The following ARHGAP10 variants were observed in gnomAD, a reference collection of about 807,000 sequenced individuals.
ARHGAP10 encodes the protein rho GTPase-activating protein 10.
A neutral mutation model predicts 108.6 loss-of-function variants in ARHGAP10; 87 were observed. The ratio of observed to expected loss-of-function variants is 0.80; its 90% CI spans 0.67 to 0.96. The LOEUF is 0.96. Ranked by LOEUF, ARHGAP10 falls within the 40% of genes least tolerant of loss-of-function variation. The pLI, the probability that ARHGAP10 is intolerant of heterozygous loss-of-function variation, is 0.00. For synonymous variants in ARHGAP10, 347 were observed against 341.1 expected (o/e 1.02, Z -0.19); for missense variants, 939 against 954.5 (o/e 0.98, Z 0.21).
At chr4:147,922,094 G>T (rs1737254845) in intron 13 of ARHGAP10, among the ~76,000 whole-genome samples, 2 of 152,148 alleles carry the variant, frequency 1.3e-5, no homozygotes, top group Admixed American at 6.5e-5. Flanking sequence ...AATTGTCCAG[G>T]TTTGCAAGGA....
chr4:147,825,257 C>T (rs1421763524), intron 3 of ARHGAP10, among the ~76,000 whole-genome samples: 1 of 152,094 alleles, frequency 6.6e-6, no homozygotes, highest in African/African-American at 2.4e-5. Flanking sequence ...TGAGACCAGC[C>T]AGGCCAACCT....
intron 13 of ARHGAP10, among the ~76,000 whole-genome samples, chr4:147,919,597 C>A (rs1263131402): frequency 3.3e-5 from 5 of 151,438 alleles, no homozygotes; most frequent in Admixed American, 1.3e-4. Context: ...TGTGGAGATG[C>A]AGTCCCTCTC....
At chr4:147,931,496 T>G in intron 13 of ARHGAP10, among the ~76,000 whole-genome samples, 1 of 152,212 alleles carries the variant, frequency 6.6e-6, no homozygotes, top group Admixed American at 6.5e-5. Flanking sequence ...GGCCCAAGTC[T>G]ATATCTATAG....
intron 19 of ARHGAP10, 52 bp from the exon 20 acceptor site, chr4:148,046,840 T>A: frequency 6.5e-7 from 1 of 1,545,606 alleles, no homozygotes; most frequent in Middle Eastern, 1.7e-4. Flanking sequence ...ATTAGTGGAG[T>A]TTTTTCTTCT....
At chr4:147,864,049 T>G (rs1353991161) in intron 5 of ARHGAP10, 1 of 152,158 alleles carries the variant, frequency 6.6e-6, no homozygotes, top group Non-Finnish European at 1.5e-5. Flanking sequence ...TCTGGAGAAA[T>G]GCCCAGATAA....
chr4:147,962,138 C>T (rs907619460), intron 16 of ARHGAP10, among the ~76,000 whole-genome samples: 2 of 152,224 alleles, frequency 1.3e-5, no homozygotes, highest in African/African-American at 4.8e-5. Context: ...CCACCATCAT[C>T]TCCTTCCTCA....
chr4:147,920,754 G>T (rs1446047872), intron 13 of ARHGAP10, among the ~76,000 whole-genome samples: 2 of 152,248 alleles, frequency 1.3e-5, no homozygotes, highest in Non-Finnish European at 2.9e-5. Flanking sequence ...ATGAGTGCAT[G>T]TTGAAGGATT....
chr4:147,750,094 T>C (rs570043408), intron 1 of ARHGAP10, among the ~76,000 whole-genome samples: 1 of 152,238 alleles, frequency 6.6e-6, no homozygotes, highest in Non-Finnish European at 1.5e-5. Context: ...GAGGCAACTT[T>C]GTAAAGACCT....
At chr4:148,004,740 G>C (rs1490663677) in intron 18 of ARHGAP10, among the ~76,000 whole-genome samples, 2 of 152,200 alleles carry the variant, frequency 1.3e-5, no homozygotes, top group Non-Finnish European at 2.9e-5. Flanking sequence ...TTGATCCCCA[G>C]TTCAGCGTCC....
At chr4:147,937,209 T>G (rs1017914829) in intron 13 of ARHGAP10, among the ~76,000 whole-genome samples, 1 of 152,008 alleles carries the variant, frequency 6.6e-6, no homozygotes, top group African/African-American at 2.4e-5. Flanking sequence ...AATATTAAGC[T>G]ATCAGCAGGG....
At chr4:148,064,168 G>A (rs1019751588) in intron 21 of ARHGAP10, among the ~76,000 whole-genome samples, 3 of 152,214 alleles carry the variant, frequency 2.0e-5, no homozygotes, top group Non-Finnish European at 4.4e-5. Context: ...GGAGAATTAG[G>A]TGAAGTGGTT....
At chr4:147,960,136 G>GT (rs1229104548) in intron 16 of ARHGAP10, among the ~76,000 whole-genome samples, 2 of 151,818 alleles carry the variant, frequency 1.3e-5, no homozygotes, top group Non-Finnish European at 2.9e-5. Context: ...TTAGTATCTT[G>GT]TTTTTTATAC....
chr4:147,851,809 G>A (rs1025602505), intron 4 of ARHGAP10, among the ~76,000 whole-genome samples: 1 of 152,156 alleles, frequency 6.6e-6, no homozygotes, highest in Non-Finnish European at 1.5e-5. Flanking sequence ...AATATATTGT[G>A]GAAAGTGCTG....
At chr4:148,012,884 T>C (rs1403233911) in intron 18 of ARHGAP10, among the ~76,000 whole-genome samples, 1 of 151,120 alleles carries the variant, frequency 6.6e-6, no homozygotes, top group Non-Finnish European at 1.5e-5. Context: ...CAAAATTTTG[T>C]AGAAATGTTC....
At chr4:147,775,755 T>C (rs1730261636) in intron 1 of ARHGAP10, among the ~76,000 whole-genome samples, 1 of 152,102 alleles carries the variant, frequency 6.6e-6, no homozygotes, top group Non-Finnish European at 1.5e-5. Flanking sequence ...TCTAAATCCT[T>C]TTGCACAGAA....
chr4:147,957,364 G>C (rs780162575), intron 16 of ARHGAP10, among the ~76,000 whole-genome samples: 4 of 152,142 alleles, frequency 2.6e-5, no homozygotes, highest in Non-Finnish European at 5.9e-5. Flanking sequence ...GAGAGTGTGG[G>C]AACAGATCTC....
chr4:148,061,311 A>G (rs1729610937), intron 20 of ARHGAP10, among the ~76,000 whole-genome samples: 1 of 152,058 alleles, frequency 6.6e-6, no homozygotes, highest in Non-Finnish European at 1.5e-5. Context: ...ATCTTCCTCC[A>G]TTCACACCCT....
At chr4:147,934,293 C>T (rs1209560814) in intron 13 of ARHGAP10, among the ~76,000 whole-genome samples, 1 of 152,182 alleles carries the variant, frequency 6.6e-6, no homozygotes, top group African/African-American at 2.4e-5. Context: ...GCACATCAGC[C>T]ACCTGGATGT....
At chr4:147,898,971 G>A (rs748314022) in intron 10 of ARHGAP10, among the ~76,000 whole-genome samples, 11 of 152,112 alleles carry the variant, frequency 7.2e-5, no homozygotes, top group Non-Finnish European at 1.5e-4. Flanking sequence ...TCCCTTTCTC[G>A]ACATGTGGGG....
Sources: gnomAD v4.1 joint callset for allele counts (sites outside exome capture counted in the v4.1 genomes callset) on GRCh38, gnomAD v4.1.1 for gene constraint, MANE v1.5 for transcripts, NCBI Gene and HGNC (gene_info 2026-07-23, HGNC 2026-07-21) for gene names.